Variants in PATJ observed in about 807,000 individuals in gnomAD.
The protein encoded by PATJ is inaD-like protein.
Under a neutral mutation model 224.9 loss-of-function variants are expected in PATJ, and 190 were observed. The ratio of observed to expected loss-of-function variants is 0.84; its 90% CI spans 0.75 to 0.95. The LOEUF is 0.95. PATJ is among the 40% of genes least tolerant of loss of function. The pLI is 0.00. For missense variants in PATJ, 2,121 were observed against 2,270.3 expected (o/e 0.93, Z 1.34); for synonymous variants, 769 against 820.3 (o/e 0.94, Z 1.07).
intron 29 of PATJ, among the ~76,000 whole-genome samples, chr1:62,019,777 G>T (rs1646974193): frequency 6.6e-6 from 1 of 152,014 alleles, no homozygotes; most frequent in Non-Finnish European, 1.5e-5. Context: ...AAAAACTTGA[G>T]TAGACTTTGA....
intron 34 of PATJ, among the ~76,000 whole-genome samples, chr1:62,109,033 T>C (rs1663478581): frequency 6.6e-6 from 1 of 152,176 alleles, no homozygotes; most frequent in African/African-American, 2.4e-5. Flanking sequence ...TTACTAAAAA[T>C]TGAAATGCTT....
chr1:61,805,207 C>T (rs775015847), intron 12 of PATJ, among the ~76,000 whole-genome samples: 1 of 152,060 alleles, frequency 6.6e-6, no homozygotes, highest in South Asian at 2.1e-4. Flanking sequence ...TAAAATATCC[C>T]TTAACAACAA....
intron 4 of PATJ, among the ~76,000 whole-genome samples, chr1:61,767,157 T>C (rs1646329733): frequency 6.6e-6 from 1 of 152,180 alleles, no homozygotes; most frequent in African/African-American, 2.4e-5. Flanking sequence ...TTGTAGCCCC[T>C]AATACCTATT....
At chr1:61,902,215 T>G (rs1251871703) in intron 24 of PATJ, among the ~76,000 whole-genome samples, 4 of 122,430 alleles carry the variant, frequency 3.3e-5, no homozygotes, top group Non-Finnish European at 6.8e-5. Context: ...GACACTCTTG[T>G]CTCAAAGCAG....
chr1:62,079,650 A>C, intron 32 of PATJ, 83 bp downstream of exon 32: 1 of 858,686 alleles, frequency 1.2e-6, no homozygotes, highest in Non-Finnish European at 1.9e-6. Context: ...CGAGAACTGG[A>C]CCAGGAGGCA....
At chr1:61,980,709 C>G (rs1644406994) in intron 27 of PATJ, among the ~76,000 whole-genome samples, 1 of 152,052 alleles carries the variant, frequency 6.6e-6, no homozygotes, top group African/African-American at 2.4e-5. Context: ...GGCAACGACT[C>G]CCAGCAGCCC....
intron 27 of PATJ, among the ~76,000 whole-genome samples, chr1:61,986,631 G>C (rs1644773792): frequency 6.6e-6 from 1 of 151,686 alleles, no homozygotes; most frequent in South Asian, 2.1e-4. Flanking sequence ...ATGTTGCCCA[G>C]GCTTGTCTCA....
intron 14 of PATJ, among the ~76,000 whole-genome samples, chr1:61,815,836 T>G (rs989841380): frequency 3.9e-5 from 6 of 152,216 alleles, no homozygotes; most frequent in Non-Finnish European, 7.3e-5. Flanking sequence ...TAGGAAGCTG[T>G]TAATCATGAC....
At chr1:61,805,332 A>G in intron 12 of PATJ, 116 bp from the exon 13 acceptor site, 1 of 656,420 alleles carries the variant, frequency 1.5e-6, no homozygotes, top group Non-Finnish European at 2.7e-6. Context: ...CTTTTTATTC[A>G]TTTCCCCTTT....
At chr1:62,100,813 T>C (rs531174470) in intron 33 of PATJ, among the ~76,000 whole-genome samples, 1 of 152,038 alleles carries the variant, frequency 6.6e-6, no homozygotes, top group African/African-American at 2.4e-5. Context: ...GGATGGGAGG[T>C]GGCGCAAGAC....
In PATJ at chr1:61,766,425, G is replaced by A. The variant is rs954990209; in HGVS notation, c.336G>A (p.Pro112=). The A allele has an allele frequency of 7.5e-6, 12 of 1,610,116 alleles. No individual in the cohort carries two copies. The highest frequency in any genetic ancestry group is 9.3e-6 in the Non-Finnish European group (11 of 1,179,012). ...TATCTGGGTTATTTCCGTGGACCCC[G>A]AAGTTGGGAAATGAAGACTTTAACT... ...STVSGLFPWT[P]KLGNEDFNSV... The change falls in exon 4 of 44, where the codon CCG becomes CCA. Residue 112 remains proline (P), a synonymous_variant. Transcript: ENST00000642238.
chr1:61,796,948 C>T (rs1197760028), intron 10 of PATJ, among the ~76,000 whole-genome samples: 2 of 151,998 alleles, frequency 1.3e-5, no homozygotes, highest in Non-Finnish European at 2.9e-5. Flanking sequence ...CTCACTCCAA[C>T]CACTGCCTCC....
At chr1:61,977,765 A>G (rs1403260566) in intron 27 of PATJ, among the ~76,000 whole-genome samples, 1 of 151,706 alleles carries the variant, frequency 6.6e-6, no homozygotes, top group African/African-American at 2.4e-5. Flanking sequence ...GTAGTCCCAC[A>G]GCTATGCAGG....
intron 27 of PATJ, among the ~76,000 whole-genome samples, chr1:61,971,799 TC>T (rs1339308238): frequency 1.3e-5 from 2 of 150,528 alleles, no homozygotes; most frequent in Non-Finnish European, 2.9e-5. Context: ...TTTGAGACCA[TC>T]CTGGAAACAT....
At chr1:61,955,755 A>G (rs1003944345) in intron 27 of PATJ, among the ~76,000 whole-genome samples, 1 of 152,150 alleles carries the variant, frequency 6.6e-6, no homozygotes, top group Non-Finnish European at 1.5e-5. Context: ...AAGTCTTATT[A>G]TTTTATAGAT....
chr1:61,900,547 G>C (rs1427707307), intron 23 of PATJ, among the ~76,000 whole-genome samples: 4 of 151,846 alleles, frequency 2.6e-5, no homozygotes, highest in Non-Finnish European at 4.4e-5. Flanking sequence ...TGTTCTGAAA[G>C]TCTGTACTTT....
intron 27 of PATJ, among the ~76,000 whole-genome samples, chr1:61,976,383 A>G (rs1644133297): frequency 6.6e-6 from 1 of 151,886 alleles, no homozygotes; most frequent in Non-Finnish European, 1.5e-5. Context: ...TACTTATAGC[A>G]TTGTTGTGAG....
At chr1:61,825,338 TG>T (rs34993636) in intron 15 of PATJ, among the ~76,000 whole-genome samples, 1 of 152,054 alleles carries the variant, frequency 6.6e-6, no homozygotes, top group Non-Finnish European at 1.5e-5. Flanking sequence ...GTCAAAAACT[TG>T]GGATAATTGA....
intron 20 of PATJ, among the ~76,000 whole-genome samples, chr1:61,873,761 A>T (rs1052892146): frequency 2.0e-5 from 3 of 152,132 alleles, no homozygotes; most frequent in African/African-American, 4.8e-5. Context: ...TTGTACAGAT[A>T]AGGGAACCTG....
Sources: allele counts gnomAD v4.1 joint callset (sites outside exome capture counted in the v4.1 genomes callset), GRCh38; gene constraint gnomAD v4.1.1; transcripts MANE v1.5; gene names NCBI Gene and HGNC (gene_info 2026-07-23, HGNC 2026-07-21).